Variants in ZNF112 observed in about 807,000 individuals in gnomAD.
ZNF112 encodes the protein zinc finger protein 112, also known as zinc finger protein 112 (Y14).
In ZNF112, 37 loss-of-function variants were observed where a neutral mutation model predicts 77.7. That is an observed-to-expected ratio of 0.48 (90% CI 0.37 to 0.63). The LOEUF is 0.63. Among genes scored for constraint, ZNF112 ranks in the 20% least tolerant of loss-of-function variants. ZNF112 has a pLI of 0.00. For synonymous variants in ZNF112, 333 were observed against 363.6 expected (o/e 0.92, Z 0.96); for missense variants, 950 against 1,077.4 (o/e 0.88, Z 1.66).
chr19:44,363,743 G>T (rs556689653), intron 1 of ZNF112, among the ~76,000 whole-genome samples: 1 of 152,068 alleles, frequency 6.6e-6, no homozygotes, highest in Non-Finnish European at 1.5e-5. Flanking sequence ...GTCTTTTTGC[G>T]TGCATGTGCT....
intron 2 of ZNF112, among the ~76,000 whole-genome samples, chr19:44,339,605 C>T (rs1286429100): frequency 2.0e-5 from 3 of 152,210 alleles, no homozygotes; most frequent in Admixed American, 1.3e-4. Context: ...CTGGAACGCT[C>T]CTGGACTCTG....
chr19:44,338,948 A>G (rs1970438775), intron 2 of ZNF112, among the ~76,000 whole-genome samples: 1 of 152,142 alleles, frequency 6.6e-6, no homozygotes, highest in Admixed American at 6.6e-5. Context: ...CTGTAATCTC[A>G]GCTACAGGTG....
Position 44,365,477 on chromosome 19 carries a change from TA to T in ZNF112, c.17+1603del, listed in dbSNP as rs1970895037. 5.6e-3 allele frequency among the ~76,000 whole-genome samples: 618 copies of T among 111,132 alleles called. 9 individuals carry two copies. Among genetic ancestry groups the T allele is most frequent in the African/African-American group, 0.016 (588 of 37,418 alleles). The allele number at this position is 111,132 out of a possible 152,430, so 72.9% of individuals were successfully genotyped here. A position where few individuals can be genotyped will look rare whatever the true frequency, so the allele number is the denominator to read the frequency against. The stretch of plus-strand genomic sequence containing the variant: ...CCTCTCTCAAAAAAAATTATATATA[TA>T]TATATTTATGTGTGTGTGTGTAAAA... On this transcript the variant is annotated intron_variant, in intron 1 of 4. Coordinates refer to the ZNF112 transcript ENST00000588057.
At chr19:44,349,992 C>A (rs1238168198) in intron 1 of ZNF112, among the ~76,000 whole-genome samples, 1 of 151,966 alleles carries the variant, frequency 6.6e-6, no homozygotes, top group Non-Finnish European at 1.5e-5. Context: ...GAATGGTTAG[C>A]CTCTAGGAAC....
At chr19:44,347,402 CT>C (rs1462357215) in intron 1 of ZNF112, among the ~76,000 whole-genome samples, 6 of 150,484 alleles carry the variant, frequency 4.0e-5, no homozygotes, top group Non-Finnish European at 8.9e-5. Flanking sequence ...GGGTTTCTGT[CT>C]ACCATTTTAT....
chr19:44,343,231 G>A (rs1226024585), intron 1 of ZNF112: 2 of 1,612,572 alleles, frequency 1.2e-6, no homozygotes, highest in East Asian at 2.2e-5. Context: ...CATGTAAAAC[G>A]GCATAAATGA....
chr19:44,351,153 T>G (rs1251378009), intron 1 of ZNF112, among the ~76,000 whole-genome samples: 1 of 152,110 alleles, frequency 6.6e-6, no homozygotes, highest in African/African-American at 2.4e-5. Flanking sequence ...GCTTCTGTTA[T>G]CATGTCACTT....
At chr19:44,337,384 A>AC (rs1568665622) in intron 2 of ZNF112, among the ~76,000 whole-genome samples, 9,184 of 46,696 alleles carry the variant, frequency 0.2, 949 homozygotes, top group Admixed American at 0.3. Flanking sequence ...TTTTATATAT[A>AC]ATAATATATA....
Position 44,365,475 on chromosome 19 carries a change from TA to T in ZNF112, c.17+1605del, listed in dbSNP as rs1970894956. On this transcript the variant is annotated intron_variant, in intron 1 of 4. Coordinates refer to the ZNF112 transcript ENST00000588057. ...ACCCTCTCTCAAAAAAAATTATATA[TA>T]TATATATTTATGTGTGTGTGTGTAA... is the stretch of plus-strand genomic sequence containing the variant. 1.2e-3 allele frequency among the ~76,000 whole-genome samples: 131 copies of T among 108,844 alleles called. 3 individuals are homozygous for T. Among genetic ancestry groups the T allele is most frequent in the African/African-American group, 3.3e-3 (123 of 37,092 alleles). The allele number at this position is 108,844 out of a possible 152,430, so 71.4% of individuals were successfully genotyped here.
intron 1 of ZNF112, among the ~76,000 whole-genome samples, chr19:44,346,316 T>C (rs1450924119): frequency 6.6e-6 from 1 of 151,914 alleles, no homozygotes; most frequent in African/African-American, 2.4e-5. Flanking sequence ...CGTTGGGTTG[T>C]TATGTTATGT....
At chr19:44,332,913 G>A (rs533460450) in intron 3 of ZNF112, among the ~76,000 whole-genome samples, 120 of 152,300 alleles carry the variant, frequency 7.9e-4, no homozygotes, top group Non-Finnish European at 1.4e-3. Context: ...GGTATAGACC[G>A]AAACACCTTG....
upstream of ZNF112, among the ~76,000 whole-genome samples, chr19:44,359,613 C>T (rs1970835184): frequency 6.6e-6 from 1 of 152,130 alleles, no homozygotes; most frequent in Admixed American, 6.5e-5. Flanking sequence ...TGAGCCACTG[C>T]ATGTGGCCTA....
chr19:44,347,136 A>G (rs1259614369), intron 1 of ZNF112, among the ~76,000 whole-genome samples: 1 of 151,912 alleles, frequency 6.6e-6, no homozygotes, highest in Non-Finnish European at 1.5e-5. Flanking sequence ...TGTTATGTCT[A>G]CTCGGGGAAC....
intron 2 of ZNF112, 122 bp from the exon 3 acceptor site, chr19:44,336,840 C>A: frequency 1.4e-6 from 1 of 704,184 alleles, no homozygotes; most frequent in South Asian, 1.8e-5. Flanking sequence ...CACCCTGTTA[C>A]CTTCCACTCA....
chr19:44,340,607 G>C, intron 1 of ZNF112, 65 bp from the exon 2 acceptor site: 1 of 1,609,190 alleles, frequency 6.2e-7, no homozygotes, highest in South Asian at 1.1e-5. Flanking sequence ...AGGTGTAAAG[G>C]ACTGGAAGCT....
chr19:44,345,087 G>A (rs371796376), intron 1 of ZNF112, among the ~76,000 whole-genome samples: 4 of 152,096 alleles, frequency 2.6e-5, no homozygotes, highest in African/African-American at 9.7e-5. Context: ...CCAGCTCACC[G>A]GTATCAATGG....
chr19:44,358,330 G>A (rs1970819322), upstream of ZNF112, among the ~76,000 whole-genome samples: 1 of 152,090 alleles, frequency 6.6e-6, no homozygotes, highest in Admixed American at 6.5e-5. Context: ...AAAAGGGACA[G>A]AATAATACTT....
In ZNF112 at chr19:44,353,321, G is replaced by A. The variant is rs182602733; in HGVS notation, c.-4+3305C>T. On this transcript the variant is annotated intron_variant, in intron 1 of 3. Transcript: ENST00000354340. ...TTCTAGAACAAGAGAAAATCTTCAC[G>A]ACCTGGGGCTAGGCAGACTTCTTAG... Among the ~76,000 whole-genome samples, 100 of 152,142 alleles carry A rather than the reference G, an allele frequency of 6.6e-4. 1 individual carries two copies. Among genetic ancestry groups the A allele is most frequent in the African/African-American group, 2.2e-3 (92 of 41,540 alleles).
chr19:44,336,233 A>G (rs1970363554), intron 3 of ZNF112, among the ~76,000 whole-genome samples: 1 of 152,210 alleles, frequency 6.6e-6, no homozygotes, highest in African/African-American at 2.4e-5. Flanking sequence ...CCCTTCAATT[A>G]CACAGATTTA....
Sources: gnomAD v4.1 joint callset for allele counts (sites outside exome capture counted in the v4.1 genomes callset) on GRCh38, gnomAD v4.1.1 for gene constraint, MANE v1.5 for transcripts, NCBI Gene and HGNC (gene_info 2026-07-23, HGNC 2026-07-21) for gene names.